SH3RF3: variants seen among roughly 807,000 people sequenced by gnomAD.
The protein encoded by SH3RF3 is E3 ubiquitin-protein ligase SH3RF3.
Under a neutral mutation model 66.3 loss-of-function variants are expected in SH3RF3, and 29 were observed. That is an observed-to-expected ratio of 0.44 (90% CI 0.33 to 0.60). SH3RF3 has a LOEUF of 0.60. Among genes scored for constraint, SH3RF3 ranks in the 20% least tolerant of loss-of-function variants. SH3RF3 has a pLI of 0.04. For synonymous variants in SH3RF3, 583 were observed against 532.0 expected (o/e 1.10, Z -1.32); for missense variants, 1,194 against 1,190.9 (o/e 1.00, Z -0.04).
intron 1 of SH3RF3, among the ~76,000 whole-genome samples, chr2:109,143,809 T>TACACAC (rs33913705): frequency 1.9e-3 from 288 of 148,816 alleles, no homozygotes; most frequent in African/African-American, 3.9e-3. Context: ...CTGTGCTGTA[T>TACACAC]ACACACACAC....
chr2:109,358,671 T>C (rs1318844092), intron 2 of SH3RF3, among the ~76,000 whole-genome samples: 2 of 152,242 alleles, frequency 1.3e-5, no homozygotes, highest in Non-Finnish European at 2.9e-5. Flanking sequence ...TTTTTGTGTA[T>C]TTTGCATAAT....
intron 1 of SH3RF3, among the ~76,000 whole-genome samples, chr2:109,197,760 C>T (rs1678542660): frequency 6.6e-6 from 1 of 152,230 alleles, no homozygotes; most frequent in East Asian, 1.9e-4. Flanking sequence ...TCAGGCTCTG[C>T]ACTGGCCCTG....
At chr2:109,427,621 G>A (rs1677064640) in intron 5 of SH3RF3, among the ~76,000 whole-genome samples, 1 of 152,220 alleles carries the variant, frequency 6.6e-6, no homozygotes, top group African/African-American at 2.4e-5. Flanking sequence ...ACACACAAGT[G>A]TCAAAGGTGC....
chr2:109,282,204 A>G (rs1680912292), intron 1 of SH3RF3, among the ~76,000 whole-genome samples: 1 of 152,066 alleles, frequency 6.6e-6, no homozygotes, highest in Non-Finnish European at 1.5e-5. Context: ...ATGAGTGTTT[A>G]TTGGGGTTAA....
intron 8 of SH3RF3, among the ~76,000 whole-genome samples, chr2:109,452,806 G>A (rs943140558): frequency 3.3e-5 from 5 of 150,504 alleles, no homozygotes; most frequent in Non-Finnish European, 7.4e-5. Context: ...GCTGGTGCTG[G>A]GAGGCTGGTT....
intron 1 of SH3RF3, among the ~76,000 whole-genome samples, chr2:109,311,911 C>G (rs898410680): frequency 3.9e-5 from 6 of 151,968 alleles, no homozygotes; most frequent in Non-Finnish European, 7.4e-5. Flanking sequence ...TCTTCCATGC[C>G]CTGCCAGTGG....
chr2:109,137,795 C>T (rs1047100692), intron 1 of SH3RF3, among the ~76,000 whole-genome samples: 1 of 152,222 alleles, frequency 6.6e-6, no homozygotes, highest in Non-Finnish European at 1.5e-5. Context: ...ATCGGTTAAT[C>T]CTCCAAGCTT....
At chr2:109,198,311 G>A (rs1376701018) in intron 1 of SH3RF3, among the ~76,000 whole-genome samples, 1 of 152,144 alleles carries the variant, frequency 6.6e-6, no homozygotes, top group Admixed American at 6.5e-5. Context: ...TTATGACCCT[G>A]AGGAATAAAT....
At chr2:109,283,578 A>T (rs1251465192) in intron 1 of SH3RF3, among the ~76,000 whole-genome samples, 4 of 152,156 alleles carry the variant, frequency 2.6e-5, no homozygotes, top group Non-Finnish European at 5.9e-5. Context: ...ATGGGGGCAC[A>T]CTTCAGCCCC....
chr2:109,425,497 G>C (rs1449984932), intron 5 of SH3RF3, among the ~76,000 whole-genome samples: 1 of 152,232 alleles, frequency 6.6e-6, no homozygotes, highest in African/African-American at 2.4e-5. Context: ...AGACTCTCTT[G>C]TTAGGGGCTA....
intron 1 of SH3RF3, among the ~76,000 whole-genome samples, chr2:109,137,519 G>A (rs1321367913): frequency 2.6e-5 from 4 of 152,198 alleles, no homozygotes; most frequent in Non-Finnish European, 5.9e-5. Context: ...TGTCCAGCAC[G>A]TTTTCTGAAG....
intron 8 of SH3RF3, among the ~76,000 whole-genome samples, chr2:109,452,804 T>TGGGAGGCTGGTTCTGGGAGGCTGGTGCC (rs1677919364): frequency 1.4e-5 from 2 of 140,070 alleles, no homozygotes; most frequent in African/African-American, 5.5e-5. Context: ...AGGCTGGTGC[T>TGGGAGGCTGGTTCTGGGAGGCTGGTGCC]GGGAGGCTGG....
At chr2:109,213,588 G>A (rs1319793043) in intron 1 of SH3RF3, among the ~76,000 whole-genome samples, 1 of 152,186 alleles carries the variant, frequency 6.6e-6, no homozygotes, top group Non-Finnish European at 1.5e-5. Flanking sequence ...GGCATTGGGT[G>A]GACACCAGCT....
chr2:109,234,922 G>A (rs1259649908), intron 1 of SH3RF3, among the ~76,000 whole-genome samples: 1 of 152,212 alleles, frequency 6.6e-6, no homozygotes, highest in African/African-American at 2.4e-5. Context: ...GTGTTTCTGT[G>A]TATCTGAGTT....
chr2:109,473,066 T>G (rs1678566694), intron 8 of SH3RF3, among the ~76,000 whole-genome samples: 1 of 152,226 alleles, frequency 6.6e-6, no homozygotes, highest in Non-Finnish European at 1.5e-5. Flanking sequence ...GTTGCAGCCT[T>G]TCAGATGCGA....
chr2:109,251,584 A>C, intron 1 of SH3RF3: 1 of 921,164 alleles, frequency 1.1e-6, no homozygotes, highest in Non-Finnish European at 1.8e-6. Context: ...TGGGCAACAG[A>C]ACAATATTGG....
chr2:109,492,718 C>A (rs372638394), intron 9 of SH3RF3, among the ~76,000 whole-genome samples: 8 of 152,282 alleles, frequency 5.3e-5, no homozygotes, highest in South Asian at 2.1e-4. Flanking sequence ...CAGCTGAGGA[C>A]TTTCTGACCT....
intron 3 of SH3RF3, among the ~76,000 whole-genome samples, chr2:109,393,217 T>C (rs1676049748): frequency 6.6e-6 from 1 of 152,168 alleles, no homozygotes; most frequent in African/African-American, 2.4e-5. Flanking sequence ...GAGTGGGAGC[T>C]TCAGGGTAAG....
At chr2:109,469,879 A>G (rs945459453) in intron 8 of SH3RF3, among the ~76,000 whole-genome samples, 2 of 152,176 alleles carry the variant, frequency 1.3e-5, no homozygotes, top group Non-Finnish European at 2.9e-5. Context: ...CACTGCAACC[A>G]CAACCTCAGA....
Sources: gnomAD v4.1 joint callset for allele counts (sites outside exome capture counted in the v4.1 genomes callset) on GRCh38, gnomAD v4.1.1 for gene constraint, MANE v1.5 for transcripts, NCBI Gene and HGNC (gene_info 2026-07-23, HGNC 2026-07-21) for gene names.